Variants in IL1RAPL2 observed in about 807,000 individuals in gnomAD.
IL1RAPL2 encodes interleukin 1 receptor accessory protein like 2, also known as X-linked interleukin-1 receptor accessory protein-like 2.
A neutral mutation model predicts 44.1 loss-of-function variants in IL1RAPL2; 3 were observed. That is an observed-to-expected ratio of 0.07 (90% CI 0.03 to 0.18). The LOEUF (loss-of-function observed/expected upper bound fraction) is 0.18. Ranked by LOEUF, IL1RAPL2 falls within the 10% of genes least tolerant of loss-of-function variation. The pLI, the probability that IL1RAPL2 is intolerant of heterozygous loss-of-function variation, is 1.00. For synonymous variants in IL1RAPL2, 181 were observed against 178.8 expected (o/e 1.01, Z -0.10); for missense variants, 391 against 496.4 (o/e 0.79, Z 2.02).
intron 6 of IL1RAPL2, among the ~76,000 whole-genome samples, chrX:105,545,837 T>A (rs1400535833): frequency 8.9e-6 from 1 of 111,905 alleles, no homozygotes; most frequent in African/African-American, 3.3e-5. Flanking sequence ...TTTCACATCT[T>A]ATCAAAATCT....
intron 2 of IL1RAPL2, among the ~76,000 whole-genome samples, chrX:104,891,456 C>A (rs1379253449): frequency 9.0e-6 from 1 of 110,947 alleles, no homozygotes; most frequent in Non-Finnish European, 1.9e-5. Flanking sequence ...CCATTTGTGT[C>A]CTCTTTTATT....
chrX:105,111,034 C>T (rs2032796127), intron 2 of IL1RAPL2, among the ~76,000 whole-genome samples: 1 of 111,670 alleles, frequency 9.0e-6, no homozygotes, highest in Non-Finnish European at 1.9e-5. Context: ...TTCTTTCCTA[C>T]AGGTTTTTTA....
chrX:104,666,967 A>T (rs1043256873), intron 2 of IL1RAPL2, among the ~76,000 whole-genome samples: 4 of 111,744 alleles, frequency 3.6e-5, no homozygotes. Context: ...AGACTGTCAT[A>T]GAGAAGCATG....
At chrX:104,947,121 G>C (rs1389123392) in intron 2 of IL1RAPL2, among the ~76,000 whole-genome samples, 4 of 111,782 alleles carry the variant, frequency 3.6e-5, no homozygotes, top group African/African-American at 9.8e-5. Flanking sequence ...ACTGGTGTGA[G>C]ATGGTATCTC....
At chrX:104,778,608 A>G (rs1932753984) in intron 2 of IL1RAPL2, among the ~76,000 whole-genome samples, 1 of 106,233 alleles carries the variant, frequency 9.4e-6, no homozygotes, top group Non-Finnish European at 1.9e-5. Context: ...TGTGAACAGT[A>G]GTGCTATGAA....
In IL1RAPL2 at chrX:104,731,419, T is replaced by G. The variant is rs745549745; in HGVS notation, c.82+72424T>G. Among the ~76,000 whole-genome samples, 6 of 111,467 alleles carry G rather than the reference T, an allele frequency of 5.4e-5. No individual in the cohort carries two copies. The South Asian group carries it at 1.5e-3, about 28-fold the overall frequency. ...TATAAGGTGTAACAGACTTTTTTTT[T>G]GGGATGGAGTCTCACTCCTGTCATG... On this transcript the variant is annotated intron_variant, in intron 2 of 10. Transcript: ENST00000372582.
intron 6 of IL1RAPL2, among the ~76,000 whole-genome samples, chrX:105,652,657 T>A: frequency 9.0e-6 from 1 of 111,408 alleles, no homozygotes; most frequent in Middle Eastern, 4.6e-3. Flanking sequence ...CCAAGAGACC[T>A]TTTTTAACCA....
intron 8 of IL1RAPL2, among the ~76,000 whole-genome samples, chrX:105,742,384 T>C (rs2038507667): frequency 9.0e-6 from 1 of 111,231 alleles, no homozygotes; most frequent in South Asian, 3.8e-4. Context: ...AAACCTGCTA[T>C]GAGGAAAAAT....
intron 2 of IL1RAPL2, among the ~76,000 whole-genome samples, chrX:104,681,338 T>C (rs1277591571): frequency 1.8e-5 from 2 of 112,226 alleles, no homozygotes; most frequent in Admixed American, 1.9e-4. Context: ...ATTAGTAATT[T>C]TATTGGAGAA....
At chrX:105,635,585 A>G (rs2037517754) in intron 6 of IL1RAPL2, among the ~76,000 whole-genome samples, 1 of 111,672 alleles carries the variant, frequency 9.0e-6, no homozygotes, top group African/African-American at 3.3e-5. Flanking sequence ...TATGCTAAGC[A>G]CTTTACAACA....
At chrX:105,331,636 T>C in intron 5 of IL1RAPL2, among the ~76,000 whole-genome samples, 2 of 111,800 alleles carry the variant, frequency 1.8e-5, no homozygotes, top group Middle Eastern at 9.3e-3. Flanking sequence ...AAATGATTTT[T>C]GTCAGCTTGT....
chrX:104,676,333 G>C (rs1430165167), intron 2 of IL1RAPL2, among the ~76,000 whole-genome samples: 1 of 111,229 alleles, frequency 9.0e-6, no homozygotes, highest in Admixed American at 9.5e-5. Flanking sequence ...TGTCTGTAAA[G>C]GATTTTATTT....
At chrX:105,447,997 T>G (rs1488775660) in intron 5 of IL1RAPL2, among the ~76,000 whole-genome samples, 1 of 103,367 alleles carries the variant, frequency 9.7e-6, no homozygotes, top group Non-Finnish European at 1.9e-5. Flanking sequence ...ATATATAATT[T>G]TAACCAGATA....
intron 2 of IL1RAPL2, among the ~76,000 whole-genome samples, chrX:104,994,461 C>T (rs1282221521): frequency 9.0e-6 from 1 of 111,609 alleles, no homozygotes; most frequent in Non-Finnish European, 1.9e-5. Context: ...CAGGTTTATG[C>T]ATCTGTAAAA....
chrX:105,352,128 C>A lies in IL1RAPL2; in HGVS notation c.697+84587C>A, dbSNP rs924892365. 1.5e-4 allele frequency among the ~76,000 whole-genome samples: 17 copies of A among 110,417 alleles called. 1 individual carries two copies. In the Middle Eastern group the frequency reaches 0.014, roughly 90 times the overall value. ...TTTTTTTTCTAGAGACAGGGTTTTGCCATGTTGCCCAAGCTGGTCTCAAAA... is the reference window on the plus strand; with the variant it reads ...TTTTTTTTCTAGAGACAGGGTTTTGACATGTTGCCCAAGCTGGTCTCAAAA... On this transcript the variant is annotated intron_variant, in intron 5 of 10. Transcript: ENST00000372582.
chrX:104,856,517 T>G (rs764783264), intron 2 of IL1RAPL2, among the ~76,000 whole-genome samples: 1 of 112,177 alleles, frequency 8.9e-6, no homozygotes, highest in South Asian at 3.8e-4. Context: ...CCCATGACCT[T>G]GAAAGGTCAT....
At chrX:105,230,093 G>A (rs782800765) in intron 3 of IL1RAPL2, among the ~76,000 whole-genome samples, 3 of 112,143 alleles carry the variant, frequency 2.7e-5, no homozygotes, top group East Asian at 2.8e-4. Context: ...CACCATGCCC[G>A]GCCAGAAGTA....
At chrX:105,363,301 T>TA (rs1569429170) in intron 5 of IL1RAPL2, among the ~76,000 whole-genome samples, 71 of 80,149 alleles carry the variant, frequency 8.9e-4, no homozygotes, top group African/African-American at 5.1e-3. Context: ...TATATATATA[T>TA]ATATATAATA....
intron 2 of IL1RAPL2, among the ~76,000 whole-genome samples, chrX:104,764,094 A>G (rs1434811601): frequency 9.0e-6 from 1 of 110,843 alleles, no homozygotes. Context: ...TATTTCTGTG[A>G]AGAATGTCAT....
Sources: gnomAD v4.1 joint callset for allele counts (sites outside exome capture counted in the v4.1 genomes callset) on GRCh38, gnomAD v4.1.1 for gene constraint, MANE v1.5 for transcripts, NCBI Gene and HGNC (gene_info 2026-07-23, HGNC 2026-07-21) for gene names.